Variants in ANAPC16 observed in about 807,000 individuals in gnomAD.
ANAPC16 encodes anaphase-promoting complex subunit 16.
ANAPC16 carries 6 observed loss-of-function variants against 13.1 expected under a neutral mutation model. That is an observed-to-expected ratio of 0.46 (90% CI 0.25 to 0.90). The LOEUF (loss-of-function observed/expected upper bound fraction) is 0.90. Among genes scored for constraint, ANAPC16 ranks in the 40% least tolerant of loss-of-function variants. The pLI is 0.18. For missense variants in ANAPC16, 113 were observed against 131.1 expected (o/e 0.86, Z 0.67); for synonymous variants, 55 against 51.3 (o/e 1.07, Z -0.31).
At chr10:72,230,086 G>A (rs773184172) in intron 2 of ANAPC16, among the ~76,000 whole-genome samples, 4 of 152,164 alleles carry the variant, frequency 2.6e-5, no homozygotes, top group Non-Finnish European at 5.9e-5. Context: ...TGGGAGGAGG[G>A]AAGTGTTGAC....
At chr10:72,225,022 G>C (rs374750200) in intron 2 of ANAPC16, among the ~76,000 whole-genome samples, 18 of 152,184 alleles carry the variant, frequency 1.2e-4, no homozygotes, top group African/African-American at 4.3e-4. Flanking sequence ...TGTAGCTCAT[G>C]CCTGTAATTC....
intron 3 of ANAPC16, among the ~76,000 whole-genome samples, chr10:72,230,856 AC>A (rs1429056915): frequency 2.0e-5 from 3 of 152,010 alleles, no homozygotes; most frequent in African/African-American, 7.2e-5. Context: ...ACAGCACTGC[AC>A]TCTAGCCTGT....
At chr10:72,225,612 C>G (rs191877951) in intron 2 of ANAPC16, among the ~76,000 whole-genome samples, 296 of 152,094 alleles carry the variant, frequency 1.9e-3, no homozygotes, top group Non-Finnish European at 3.6e-3. Context: ...TTTTAAAAAG[C>G]ACTGGGAGGC....
chr10:72,222,183 G>C (rs566000867), intron 1 of ANAPC16, among the ~76,000 whole-genome samples: 1 of 151,232 alleles, frequency 6.6e-6, no homozygotes, highest in African/African-American at 2.4e-5. Context: ...ACTTTGGGAG[G>C]CCGAGGCAGG....
At chr10:72,228,078 C>A (rs1860182110) in intron 2 of ANAPC16, among the ~76,000 whole-genome samples, 1 of 151,302 alleles carries the variant, frequency 6.6e-6, no homozygotes, top group African/African-American at 2.4e-5. Flanking sequence ...GGTTGCCTGT[C>A]AAGAGTAAGG....
intron 1 of ANAPC16, chr10:72,216,340 G>A (rs1402392384): frequency 6.0e-6 from 1 of 165,832 alleles, no homozygotes; most frequent in Non-Finnish European, 1.3e-5. Context: ...CCTGCGCAGT[G>A]GGACAGCGCC....
chr10:72,226,865 A>G (rs960702370), intron 2 of ANAPC16, among the ~76,000 whole-genome samples: 34 of 152,272 alleles, frequency 2.2e-4, no homozygotes, highest in Middle Eastern at 6.8e-3. Flanking sequence ...ACCAGGTAGC[A>G]TATGTAATTA....
At chr10:72,225,430 A>G (rs997387244) in intron 2 of ANAPC16, among the ~76,000 whole-genome samples, 1 of 152,044 alleles carries the variant, frequency 6.6e-6, no homozygotes, top group African/African-American at 2.4e-5. Flanking sequence ...TTTGAAAAAC[A>G]TTGGGACCAG....
At chr10:72,232,449 C>T (rs1414483039) in intron 3 of ANAPC16, among the ~76,000 whole-genome samples, 1 of 149,494 alleles carries the variant, frequency 6.7e-6, no homozygotes, top group Admixed American at 6.7e-5. Flanking sequence ...GAGGCTGAGG[C>T]GGGAGAATCA....
At chr10:72,230,266 G>C in intron 2 of ANAPC16, 100 bp from the exon 3 acceptor site, 1 of 850,682 alleles carries the variant, frequency 1.2e-6, no homozygotes, top group Non-Finnish European at 1.9e-6. Flanking sequence ...ACTAGACCCT[G>C]AATGTACAAG....
At chr10:72,220,831 T>G (rs1161149612) in intron 1 of ANAPC16, 1 of 149,952 alleles carries the variant, frequency 6.7e-6, no homozygotes, top group African/African-American at 2.5e-5. Context: ...CCACTCCCAC[T>G]GCTTCACGTG....
chr10:72,226,807 A>T (rs1860136845), intron 2 of ANAPC16, among the ~76,000 whole-genome samples: 1 of 152,190 alleles, frequency 6.6e-6, no homozygotes, highest in Non-Finnish European at 1.5e-5. Flanking sequence ...CTGGGACCAT[A>T]GAGCTCCCTA....
Position 72,232,981 on chromosome 10 carries a change from CT to C in ANAPC16, c.218-17del, listed in dbSNP as rs770299440. ...GGGTAATACGTTGTTGCATAATATT[CT>C]TTCCTTGACTCCTTACAGATCAGCA... On this transcript the variant is annotated intron_variant, in intron 3 of 3. Coordinates refer to ENST00000299381, the MANE Select transcript of ANAPC16 (RefSeq NM_173473.4). 1.2e-6 allele frequency: 2 copies of C among 1,600,990 alleles called. No homozygotes were observed. Among genetic ancestry groups the C allele is most frequent in the Non-Finnish European group, 1.7e-6 (2 of 1,168,366 alleles).
Position 72,216,067 on chromosome 10 carries a change from G to A in ANAPC16, c.-99G>A, listed in dbSNP as rs1210362666. The A allele has an allele frequency of 6.6e-6, 1 of 152,348 alleles. No homozygotes were observed. The highest frequency in any genetic ancestry group is 1.9e-4 in the East Asian group (1 of 5,188). The allele number at this position is 152,348 out of a possible 1,614,324, so 9.4% of individuals were successfully genotyped here. A position where few individuals can be genotyped will look rare whatever the true frequency, so the allele number is the denominator to read the frequency against. On this transcript the variant is annotated 5_prime_UTR_variant, in exon 1 of 4. Transcript: ENST00000299381. The stretch of plus-strand genomic sequence containing the variant: ...GGGGGGCGAACACGCCGCGGTCCTC[G>A]TCGTGGTGAGCGCAGCCACTCAGGC...
intron 2 of ANAPC16, among the ~76,000 whole-genome samples, chr10:72,224,874 G>C (rs372584869): frequency 3.3e-5 from 5 of 152,274 alleles, no homozygotes; most frequent in African/African-American, 1.2e-4. Flanking sequence ...TAGCACCAAA[G>C]CCAGATTTGC....
intron 1 of ANAPC16, among the ~76,000 whole-genome samples, chr10:72,219,616 A>G (rs1163808494): frequency 6.6e-6 from 1 of 152,178 alleles, no homozygotes; most frequent in African/African-American, 2.4e-5. Flanking sequence ...ACGTGCCTGT[A>G]GTCCCAACTA....
intron 1 of ANAPC16, among the ~76,000 whole-genome samples, chr10:72,217,430 G>A (rs1260766295): frequency 6.7e-6 from 1 of 150,276 alleles, no homozygotes; most frequent in East Asian, 2.0e-4. Flanking sequence ...AGCCGAGATC[G>A]CGCCACTGCA....
intron 1 of ANAPC16, 169 bp from the exon 2 acceptor site, chr10:72,223,719 T>G (rs1025214147): frequency 8.6e-6 from 4 of 466,314 alleles, no homozygotes; most frequent in Non-Finnish European, 1.5e-5. Flanking sequence ...AAAACCTGAC[T>G]GATATTTTGG....
chr10:72,218,350 G>T (rs60298695), intron 1 of ANAPC16, among the ~76,000 whole-genome samples: 21,402 of 150,980 alleles, frequency 0.14, 4,362 homozygotes, highest in African/African-American at 0.45. Context: ...GTTAAATGAT[G>T]TGTCCACAGT....
Sources: allele counts gnomAD v4.1 joint callset (sites outside exome capture counted in the v4.1 genomes callset), GRCh38; gene constraint gnomAD v4.1.1; transcripts MANE v1.5; gene names NCBI Gene and HGNC (gene_info 2026-07-23, HGNC 2026-07-21).